GRIK2: variants seen among roughly 807,000 people sequenced by gnomAD.
GRIK2 encodes the protein glutamate receptor ionotropic, kainate 2.
Under a neutral mutation model 100.3 loss-of-function variants are expected in GRIK2, and 32 were observed. The observed-to-expected ratio is 0.32, with a 90% CI of 0.24 to 0.43. The LOEUF is 0.43. GRIK2 is among the 20% of genes least tolerant of loss of function. The probability of loss-of-function intolerance (pLI) is 1.00; values close to 1 mark genes in which losing one functional copy is unlikely to be tolerated. For missense variants in GRIK2, 843 were observed against 1,114.9 expected, an observed-to-expected ratio of 0.76 and a Z score of 3.47; for synonymous variants, 417 against 389.4, an observed-to-expected ratio of 1.07 and a Z score of -0.83.
At chr6:101,995,203 T>A (rs570303120) in intron 14 of GRIK2, among the ~76,000 whole-genome samples, 1 of 151,922 alleles carries the variant, frequency 6.6e-6, no homozygotes, top group Non-Finnish European at 1.5e-5. Flanking sequence ...ACTTGCTTGA[T>A]GGAAACTGAG....
At chr6:101,489,041 A>C (rs116386496) in intron 2 of GRIK2, among the ~76,000 whole-genome samples, 1,681 of 146,608 alleles carry the variant, frequency 0.011, 266 homozygotes, top group African/African-American at 0.041. Context: ...TTTAATGGGA[A>C]ATTTTAAAAT....
intron 7 of GRIK2, among the ~76,000 whole-genome samples, chr6:101,732,994 A>G (rs2128372298): frequency 6.6e-6 from 1 of 152,174 alleles, no homozygotes; most frequent in East Asian, 1.9e-4. Context: ...AATAAATCAA[A>G]TGACTTTCCA....
intron 7 of GRIK2, among the ~76,000 whole-genome samples, chr6:101,740,502 T>G (rs1775953373): frequency 6.6e-6 from 1 of 152,226 alleles, no homozygotes; most frequent in Non-Finnish European, 1.5e-5. Flanking sequence ...TTATTTTCAC[T>G]TTATTTTTAA....
At chr6:101,502,469 A>G (rs935667171) in intron 2 of GRIK2, among the ~76,000 whole-genome samples, 1 of 152,212 alleles carries the variant, frequency 6.6e-6, no homozygotes, top group African/African-American at 2.4e-5. Context: ...ACTGAAATAA[A>G]AAGATTTCCG....
At position 101,965,950 on chromosome 6, in the gene GRIK2, A is replaced by T. The variant is rs1792644883; in HGVS notation, c.2085+37318A>T. ...TATTATTCTTTTTATAATAATTATG[A>T]TGTTATGTGGTTTGGATTTCTTTGT... On this transcript the variant is annotated intron_variant, in intron 14 of 16. Coordinates refer to ENST00000369134, the MANE Select transcript of GRIK2 (RefSeq NM_021956.5). Among the ~76,000 whole-genome samples the T allele has an allele frequency of 3.9e-5, 6 of 152,154 alleles. No individual in the cohort carries two copies. The South Asian group carries it at 1.2e-3, about 31-fold the overall frequency.
intron 3 of GRIK2, among the ~76,000 whole-genome samples, chr6:101,625,306 A>T (rs1453289558): frequency 6.6e-6 from 1 of 151,724 alleles, no homozygotes; most frequent in Non-Finnish European, 1.5e-5. Context: ...CCGGGAGGCA[A>T]AGGTCGCAGT....
chr6:101,911,601 C>T (rs1233791026), intron 12 of GRIK2, among the ~76,000 whole-genome samples: 1 of 151,332 alleles, frequency 6.6e-6, no homozygotes, highest in Admixed American at 6.6e-5. Flanking sequence ...ATTGCCGTTC[C>T]TTTACCTCAT....
intron 10 of GRIK2, among the ~76,000 whole-genome samples, chr6:101,824,134 C>T (rs1044272225): frequency 7.2e-5 from 11 of 152,028 alleles, no homozygotes; most frequent in Non-Finnish European, 1.0e-4. Context: ...ATCTTCCAGC[C>T]TCGGCCTCCC....
chr6:101,939,038 T>C (rs1282650805), intron 14 of GRIK2, among the ~76,000 whole-genome samples: 2 of 152,076 alleles, frequency 1.3e-5, no homozygotes, highest in African/African-American at 4.8e-5. Context: ...TAGTTTGCTT[T>C]GTAGGTCCCT....
At chr6:101,799,108 A>G (rs1780502556) in intron 7 of GRIK2, among the ~76,000 whole-genome samples, 1 of 152,198 alleles carries the variant, frequency 6.6e-6, no homozygotes, top group Non-Finnish European at 1.5e-5. Flanking sequence ...GAAAAAGATC[A>G]GGGTTTATAT....
chr6:102,011,577 C>CTTT (rs763369559), intron 14 of GRIK2, among the ~76,000 whole-genome samples: 5,057 of 76,538 alleles, frequency 0.066, 571 homozygotes, highest in African/African-American at 0.13. Flanking sequence ...CTTTCTTTTC[C>CTTT]TTTTTTTTTT....
At chr6:101,719,890 G>A (rs1583019171) in intron 7 of GRIK2, among the ~76,000 whole-genome samples, 1 of 151,898 alleles carries the variant, frequency 6.6e-6, no homozygotes, top group South Asian at 2.1e-4. Flanking sequence ...GAAGCACAAG[G>A]TATTCTGAGA....
At chr6:101,988,277 T>G (rs988327597) in intron 14 of GRIK2, among the ~76,000 whole-genome samples, 4 of 151,826 alleles carry the variant, frequency 2.6e-5, no homozygotes, top group Admixed American at 1.3e-4. Context: ...ATTATGATTT[T>G]GGGGGACTAC....
chr6:101,820,329 A>C (rs1029119428), intron 10 of GRIK2, among the ~76,000 whole-genome samples: 22 of 151,766 alleles, frequency 1.4e-4, no homozygotes, highest in Non-Finnish European at 2.9e-4. Flanking sequence ...GGTAGAAAAC[A>C]TCTGTAGCCT....
intron 11 of GRIK2, among the ~76,000 whole-genome samples, chr6:101,869,348 G>A (rs1304367747): frequency 6.6e-6 from 1 of 151,866 alleles, no homozygotes; most frequent in Non-Finnish European, 1.5e-5. Flanking sequence ...TATTGAAAAT[G>A]TATTGGTATG....
At chr6:101,549,132 T>C (rs1776389311) in intron 2 of GRIK2, among the ~76,000 whole-genome samples, 1 of 152,210 alleles carries the variant, frequency 6.6e-6, no homozygotes, top group Non-Finnish European at 1.5e-5. Context: ...TGGATCATCA[T>C]GATTCTTTTT....
At chr6:101,395,492 T>G (rs994530453) in intron 1 of GRIK2, among the ~76,000 whole-genome samples, 1 of 152,182 alleles carries the variant, frequency 6.6e-6, no homozygotes, top group African/African-American at 2.4e-5. Context: ...CATTGTCTTT[T>G]TAAATGTTGT....
chr6:101,698,647 C>G (rs889902181), intron 7 of GRIK2, among the ~76,000 whole-genome samples: 2 of 151,990 alleles, frequency 1.3e-5, no homozygotes, highest in South Asian at 2.1e-4. Flanking sequence ...CAAATATTTA[C>G]TGAACATCTA....
chr6:101,535,482 G>A (rs1042808421), intron 2 of GRIK2, among the ~76,000 whole-genome samples: 1 of 151,690 alleles, frequency 6.6e-6, no homozygotes, highest in East Asian at 1.9e-4. Flanking sequence ...CTGTATCACA[G>A]GTTGGCTTTG....
Sources: gnomAD v4.1 joint callset for allele counts (sites outside exome capture counted in the v4.1 genomes callset) on GRCh38, gnomAD v4.1.1 for gene constraint, MANE v1.5 for transcripts, NCBI Gene and HGNC (gene_info 2026-07-23, HGNC 2026-07-21) for gene names.